Variants in MYO18B observed in about 807,000 individuals in gnomAD.
MYO18B encodes the protein myosin XVIIIB, also known as unconventional myosin-XVIIIb.
Under a neutral mutation model 273.0 loss-of-function variants are expected in MYO18B, and 204 were observed. The observed-to-expected ratio is 0.75, with a 90% CI of 0.67 to 0.84. The LOEUF is 0.84. MYO18B is among the 40% of genes least tolerant of loss of function. The probability of loss-of-function intolerance (pLI) is 0.00; values close to 1 mark genes in which losing one functional copy is unlikely to be tolerated. For missense variants in MYO18B, 3,212 were observed against 3,287.6 expected (o/e 0.98, Z 0.56); for synonymous variants, 1,330 against 1,305.7 (o/e 1.02, Z -0.40).
chr22:25,985,250 G>A lies in MYO18B; in HGVS notation c.6157-7113G>A, dbSNP rs1481606709. Among the ~76,000 whole-genome samples, 6 of 152,198 alleles carry A rather than the reference G, an allele frequency of 3.9e-5. 1 individual carries two copies. The highest frequency in any genetic ancestry group is 1.4e-4 in the African/African-American group (6 of 41,524). ...ATGGCAGGTGCCTGTAATCCCAGCT[G>A]TTTGGGGGGCTGAGGCAGGAGAATT... On this transcript the variant is annotated intron_variant, in intron 39 of 43. Coordinates refer to ENST00000335473, the MANE Select transcript of MYO18B (RefSeq NM_032608.7).
At chr22:25,787,561 C>T (rs1016335444) in intron 11 of MYO18B, among the ~76,000 whole-genome samples, 2 of 152,094 alleles carry the variant, frequency 1.3e-5, no homozygotes, top group African/African-American at 4.8e-5. Context: ...ATTGTATGGG[C>T]AAGCCTGGAG....
intron 13 of MYO18B, among the ~76,000 whole-genome samples, chr22:25,825,432 CT>C (rs2145902608): frequency 6.6e-6 from 1 of 152,202 alleles, no homozygotes; most frequent in East Asian, 1.9e-4. Flanking sequence ...AGAACTGAAA[CT>C]TAAGGGACGG....
intron 21 of MYO18B, among the ~76,000 whole-genome samples, chr22:25,860,974 G>T (rs1376078375): frequency 6.6e-6 from 1 of 151,458 alleles, no homozygotes; most frequent in Non-Finnish European, 1.5e-5. Context: ...CTGCAGCCTT[G>T]ACTTCCTGGG....
intron 21 of MYO18B, among the ~76,000 whole-genome samples, chr22:25,857,835 T>G (rs182030951): frequency 3.0e-4 from 46 of 152,370 alleles, no homozygotes; most frequent in South Asian, 1.9e-3. Context: ...AGTACTTTTG[T>G]AGAGACCTGG....
intron 21 of MYO18B, among the ~76,000 whole-genome samples, chr22:25,865,377 G>A (rs2090856407): frequency 6.6e-6 from 1 of 152,210 alleles, no homozygotes; most frequent in Non-Finnish European, 1.5e-5. Flanking sequence ...GCAAAGAGCT[G>A]GAAAAGGAGT....
intron 24 of MYO18B, among the ~76,000 whole-genome samples, 188 bp downstream of exon 24, chr22:25,876,520 C>T (rs1056871822): frequency 6.6e-6 from 1 of 152,188 alleles, no homozygotes. Flanking sequence ...CCATCCCATG[C>T]CCAGCTCCTC....
intron 21 of MYO18B, among the ~76,000 whole-genome samples, chr22:25,864,892 T>C (rs1292498311): frequency 1.3e-5 from 2 of 152,224 alleles, no homozygotes; most frequent in Non-Finnish European, 2.9e-5. Context: ...TTCCAGTACA[T>C]GGAAGAGGTG....
At chr22:25,811,321 C>A (rs889651406) in intron 12 of MYO18B, among the ~76,000 whole-genome samples, 30 of 152,224 alleles carry the variant, frequency 2.0e-4, no homozygotes, top group Middle Eastern at 3.4e-3. Context: ...CCGCGCCAGG[C>A]TTTTTTCTTA....
chr22:25,761,200 C>T (rs963169692), intron 2 of MYO18B, 69 bp downstream of exon 2: 8 of 1,560,650 alleles, frequency 5.1e-6, no homozygotes, highest in African/African-American at 2.7e-5. Flanking sequence ...GAGACAAGTC[C>T]GACCTTTCCC....
intron 3 of MYO18B, among the ~76,000 whole-genome samples, chr22:25,767,325 G>A (rs2086540496): frequency 6.6e-6 from 1 of 152,192 alleles, no homozygotes; most frequent in South Asian, 2.1e-4. Flanking sequence ...TCTGGGTCAG[G>A]CAAGAGTGGG....
chr22:26,008,795 C>G (rs1438382889), intron 42 of MYO18B, among the ~76,000 whole-genome samples: 1 of 152,182 alleles, frequency 6.6e-6, no homozygotes, highest in Non-Finnish European at 1.5e-5. Flanking sequence ...CTGCTGCATG[C>G]CTGGCCTCTC....
rs1373430809 is a variant in MYO18B, at chr22:25,761,135, A to G, written c.39+4A>G. On this transcript the variant is annotated splice_donor_region_variant and intron_variant, in intron 2 of 43. Transcript: ENST00000335473. ...CCTCGCCCTGTGGGAGCAGAAGGAA[A>G]GTGACACTCATGGCTGGGGCTGCAG... 2 of 1,613,108 alleles carry G rather than the reference A, an allele frequency of 1.2e-6. No individual in the cohort carries two copies. The highest frequency in any genetic ancestry group is 1.1e-5 in the South Asian group (1 of 91,088).
downstream of MYO18B, among the ~76,000 whole-genome samples, chr22:26,031,818 G>A (rs1270521735): frequency 2.6e-5 from 4 of 152,222 alleles, no homozygotes; most frequent in African/African-American, 4.8e-5. Flanking sequence ...GATGGAGCAC[G>A]TTGGTGGAAC....
rs116733003 is a variant in MYO18B, at chr22:25,782,277, G to C, written c.2312+443G>C. ...TGTCTGCTGTGATAGTGGCATGTCA[G>C]TACTGGCCCTGGCAGCGGTATGGGA... On this transcript the variant is annotated intron_variant, in intron 10 of 43. Coordinates refer to ENST00000335473, the MANE Select transcript of MYO18B (RefSeq NM_032608.7). 8.1e-3 allele frequency among the ~76,000 whole-genome samples: 1,236 copies of C among 152,358 alleles called. 16 individuals carry two copies. The highest frequency in any genetic ancestry group is 0.027 in the African/African-American group (1,137 of 41,580).
intron 31 of MYO18B, 23 bp downstream of exon 31, chr22:25,903,854 C>A: frequency 7.0e-6 from 11 of 1,576,196 alleles, no homozygotes; most frequent in Non-Finnish European, 9.5e-6. Context: ...TGTCTCAGGG[C>A]AACACCCTGT....
intron 39 of MYO18B, among the ~76,000 whole-genome samples, chr22:25,960,270 G>A (rs1346002349): frequency 6.6e-6 from 1 of 152,174 alleles, no homozygotes; most frequent in Admixed American, 6.5e-5. Context: ...GAGCGATGAA[G>A]CAACTCATCT....
chr22:25,861,547 A>C (rs1303413939), intron 21 of MYO18B, among the ~76,000 whole-genome samples: 2 of 152,186 alleles, frequency 1.3e-5, no homozygotes, highest in Admixed American at 6.5e-5. Flanking sequence ...TTTGTATCTA[A>C]CTGCATCTCT....
At chr22:25,790,303 C>G (rs546022863) in intron 11 of MYO18B, among the ~76,000 whole-genome samples, 1 of 152,290 alleles carries the variant, frequency 6.6e-6, no homozygotes, top group South Asian at 2.1e-4. Flanking sequence ...TTTTAGGGTA[C>G]ATGTGCACAA....
At chr22:25,766,700 G>A (rs2086519011) in intron 3 of MYO18B, among the ~76,000 whole-genome samples, 1 of 152,200 alleles carries the variant, frequency 6.6e-6, no homozygotes, top group Admixed American at 6.5e-5. Flanking sequence ...TCAGGTAGGA[G>A]AAGGTGACCA....
Sources: allele counts gnomAD v4.1 joint callset (sites outside exome capture counted in the v4.1 genomes callset), GRCh38; gene constraint gnomAD v4.1.1; transcripts MANE v1.5; gene names NCBI Gene and HGNC (gene_info 2026-07-23, HGNC 2026-07-21).